ARID1B: variants seen among roughly 807,000 people sequenced by gnomAD.
The protein encoded by ARID1B is AT-rich interaction domain 1B.
Under a neutral mutation model 212.3 loss-of-function variants are expected in ARID1B, and 30 were observed. That is an observed-to-expected ratio of 0.14 (90% confidence interval 0.11 to 0.19). ARID1B has a LOEUF of 0.19. ARID1B is among the 10% of genes least tolerant of loss of function. The probability of loss-of-function intolerance (pLI) is 1.00; values close to 1 mark genes in which losing one functional copy is unlikely to be tolerated. For missense variants in ARID1B, 2,891 were observed against 3,204.0 expected, an observed-to-expected ratio of 0.90 and a Z score of 2.36; for synonymous variants, 1,402 against 1,301.7, an observed-to-expected ratio of 1.08 and a Z score of -1.66.
chr6:156,964,204 C>T (rs978199637), intron 4 of ARID1B, among the ~76,000 whole-genome samples: 1 of 152,222 alleles, frequency 6.6e-6, no homozygotes, highest in African/African-American at 2.4e-5. Flanking sequence ...TGTCAAAGCT[C>T]GCAGTGACAT....
At chr6:156,872,693 G>T (rs1472278166) in intron 2 of ARID1B, among the ~76,000 whole-genome samples, 2 of 152,146 alleles carry the variant, frequency 1.3e-5, no homozygotes, top group Admixed American at 1.3e-4. Flanking sequence ...TTTCTATTCA[G>T]TAGGACAGAG....
chr6:156,927,669 C>G (rs899967677), intron 3 of ARID1B, among the ~76,000 whole-genome samples: 2 of 152,192 alleles, frequency 1.3e-5, no homozygotes, highest in African/African-American at 4.8e-5. Flanking sequence ...GGCAGAGTAG[C>G]TGCTAACATG....
At chr6:156,907,905 C>CAAA (rs1210631219) in intron 3 of ARID1B, among the ~76,000 whole-genome samples, 1 of 74,470 alleles carries the variant, frequency 1.3e-5, no homozygotes, top group African/African-American at 4.3e-5. Flanking sequence ...AAGACTGTCT[C>CAAA]AAAAAAAAAA....
chr6:156,799,726 C>T (rs1780648696), intron 1 of ARID1B, among the ~76,000 whole-genome samples: 1 of 152,200 alleles, frequency 6.6e-6, no homozygotes, highest in African/African-American at 2.4e-5. Context: ...GATCTGCCCG[C>T]CTCAGACTCC....
At position 157,180,971 on chromosome 6, in the gene ARID1B, G is replaced by C. The variant is rs373653398; in HGVS notation, c.3507G>C (p.Lys1169Asn). The C allele has an allele frequency of 6.2e-7, 1 of 1,612,474 alleles. No homozygotes were observed. Among genetic ancestry groups the C allele is most frequent in the Non-Finnish European group, 8.5e-7 (1 of 1,179,304 alleles). The change falls in exon 12 of 20, where the codon AAG (lysine) becomes AAC (asparagine). Residue 1169 changes from lysine (K) to asparagine (N), a missense_variant and splice_region_variant. Lys to Asn is a moderately conservative substitution (Grantham distance 94). This residue lies in a region of ARID1B where 666 missense variants were observed against 873.5 expected (regional missense o/e 0.76). Transcript: ENST00000636930. Reference protein sequence around the residue: ...PGWPKTPSSPKSSSSTTTGEK... With the variant: ...PGWPKTPSSPNSSSSTTTGEK... Reference sequence around the variant, plus strand: ...CACATGCTGCTTCTGGGTACTAGAAGTCCAGCTCCTCCACCACTACTGGGG... The same window carrying C: ...CACATGCTGCTTCTGGGTACTAGAACTCCAGCTCCTCCACCACTACTGGGG...
At chr6:157,179,891 T>G (rs1328120744) in intron 11 of ARID1B, among the ~76,000 whole-genome samples, 2 of 151,652 alleles carry the variant, frequency 1.3e-5, no homozygotes, top group African/African-American at 4.9e-5. Flanking sequence ...TTCAAAAATA[T>G]GTTTAAAATT....
At chr6:157,043,165 T>G (rs1782001599) in intron 4 of ARID1B, among the ~76,000 whole-genome samples, 1 of 152,226 alleles carries the variant, frequency 6.6e-6, no homozygotes, top group Admixed American at 6.5e-5. Flanking sequence ...CAAACTGGTC[T>G]TCCAACCCCC....
At chr6:156,779,684 G>C (rs902265847) in intron 1 of ARID1B, 5 of 221,682 alleles carry the variant, frequency 2.3e-5, no homozygotes, top group Non-Finnish European at 3.9e-5. Flanking sequence ...GGCTTCGCCG[G>C]GCCGGGCCGG....
At chr6:157,135,612 T>C (rs954283326) in intron 7 of ARID1B, among the ~76,000 whole-genome samples, 3 of 152,192 alleles carry the variant, frequency 2.0e-5, no homozygotes, top group Non-Finnish European at 4.4e-5. Context: ...GTGAGGGTCC[T>C]GGTACTCTCA....
At chr6:157,120,058 G>A in intron 6 of ARID1B, among the ~76,000 whole-genome samples, 1 of 152,216 alleles carries the variant, frequency 6.6e-6, no homozygotes, top group Non-Finnish European at 1.5e-5. Context: ...GTAAGATCAG[G>A]TTCAGATACC....
At chr6:157,028,035 A>G (rs141672849) in intron 4 of ARID1B, among the ~76,000 whole-genome samples, 175 of 152,302 alleles carry the variant, frequency 1.1e-3, no homozygotes, top group African/African-American at 3.9e-3. Flanking sequence ...CTGTAGCATA[A>G]GACATTGGCT....
chr6:157,102,689 C>T (rs1050246169), intron 5 of ARID1B, among the ~76,000 whole-genome samples: 2 of 146,278 alleles, frequency 1.4e-5, no homozygotes, highest in Non-Finnish European at 3.0e-5. Flanking sequence ...CTCTGCCTCC[C>T]GGGTTCAAGT....
At chr6:156,956,577 G>C (rs1396152987) in intron 4 of ARID1B, among the ~76,000 whole-genome samples, 1 of 152,034 alleles carries the variant, frequency 6.6e-6, no homozygotes, top group Non-Finnish European at 1.5e-5. Flanking sequence ...TTGAGTTTGG[G>C]GTGAAGGGTG....
intron 4 of ARID1B, among the ~76,000 whole-genome samples, chr6:157,018,616 G>T (rs1431895957): frequency 6.6e-6 from 1 of 152,034 alleles, no homozygotes; most frequent in African/African-American, 2.4e-5. Context: ...CTTACTCTTC[G>T]TTTACTAATC....
intron 4 of ARID1B, among the ~76,000 whole-genome samples, chr6:156,973,098 T>C (rs1562520859): frequency 6.6e-6 from 1 of 152,210 alleles, no homozygotes; most frequent in Non-Finnish European, 1.5e-5. Context: ...AGCCTAAGAC[T>C]TTGTGCCGTG....
intron 7 of ARID1B, among the ~76,000 whole-genome samples, chr6:157,138,689 G>T (rs1789118484): frequency 6.6e-6 from 1 of 152,272 alleles, no homozygotes. Context: ...TAGATTCTGT[G>T]CAGGTCACTC....
chr6:156,989,251 A>T (rs185001458), intron 4 of ARID1B, among the ~76,000 whole-genome samples: 1 of 152,238 alleles, frequency 6.6e-6, no homozygotes, highest in Admixed American at 6.5e-5. Flanking sequence ...CACGTCTTCC[A>T]TGAAACACTG....
chr6:157,127,934 C>T (rs542804013), intron 6 of ARID1B, among the ~76,000 whole-genome samples: 1 of 150,766 alleles, frequency 6.6e-6, no homozygotes, highest in South Asian at 2.1e-4. Flanking sequence ...TGCACTCCAG[C>T]CTAGGCGACA....
chr6:157,155,931 C>T (rs1213142601), intron 8 of ARID1B, among the ~76,000 whole-genome samples: 1 of 152,160 alleles, frequency 6.6e-6, no homozygotes, highest in Non-Finnish European at 1.5e-5. Context: ...CTTCCAGCCA[C>T]TGTTCTTTAT....
Sources: allele counts gnomAD v4.1 joint callset (sites outside exome capture counted in the v4.1 genomes callset), GRCh38; gene constraint gnomAD v4.1.1; regional missense constraint gnomAD v4.1.1; transcripts MANE v1.5; gene names NCBI Gene and HGNC (gene_info 2026-07-23, HGNC 2026-07-21).